The following PPARGC1A variants were observed in gnomAD, a reference collection of about 807,000 sequenced individuals.
The protein encoded by PPARGC1A is PPARG coactivator 1 alpha, also known as peroxisome proliferator-activated receptor gamma coactivator 1-alpha.
In PPARGC1A, 25 loss-of-function variants were observed where a neutral mutation model predicts 88.7. The observed-to-expected ratio is 0.28, with a 90% confidence interval of 0.21 to 0.39. PPARGC1A has a LOEUF of 0.39. Ranked by LOEUF, PPARGC1A falls within the 10% of genes least tolerant of loss-of-function variation. The pLI is 1.00. For missense variants in PPARGC1A, 880 were observed against 968.7 expected, an observed-to-expected ratio of 0.91 and a Z score of 1.22; for synonymous variants, 363 against 355.6, an observed-to-expected ratio of 1.02 and a Z score of -0.24.
At chr4:23,940,538 C>A in the PPARGC1A span, among the ~76,000 whole-genome samples, 1 of 152,160 alleles carries the variant, frequency 6.6e-6, no homozygotes, top group Non-Finnish European at 1.5e-5. Context: ...AAAAACAAAT[C>A]ACCAAACAAA....
At chr4:24,035,641 A>G in the PPARGC1A span, among the ~76,000 whole-genome samples, 2 of 152,136 alleles carry the variant, frequency 1.3e-5, no homozygotes, top group African/African-American at 4.8e-5. Flanking sequence ...CATATAGCTT[A>G]AACCAATGTT....
At chr4:24,159,204 A>G in the PPARGC1A span, among the ~76,000 whole-genome samples, 11 of 142,476 alleles carry the variant, frequency 7.7e-5, no homozygotes, top group Admixed American at 7.6e-4. Flanking sequence ...AAGGAAATTA[A>G]CCTTTTTTTT....
chr4:24,466,368 C>G, the PPARGC1A span, among the ~76,000 whole-genome samples: 1 of 152,188 alleles, frequency 6.6e-6, no homozygotes, highest in African/African-American at 2.4e-5. Flanking sequence ...ACAATTTCTT[C>G]TGTGTTGTAG....
chr4:24,128,531 AGTGTGTGTGTGT>A, the PPARGC1A span, among the ~76,000 whole-genome samples: 768 of 138,232 alleles, frequency 5.6e-3, 4 homozygotes, highest in South Asian at 0.018. Flanking sequence ...AGCCTGTCAC[AGTGTGTGTGTGT>A]GTGTGTGTGT....
At chr4:24,278,014 A>G in the PPARGC1A span, among the ~76,000 whole-genome samples, 8 of 151,992 alleles carry the variant, frequency 5.3e-5, no homozygotes, top group African/African-American at 1.7e-4. Flanking sequence ...TGCTCTATAA[A>G]AATTTTGAAA....
intron 2 of PPARGC1A, chr4:23,881,740 A>G (rs1403383792): frequency 2.0e-5 from 3 of 152,188 alleles, no homozygotes; most frequent in African/African-American, 7.2e-5. Flanking sequence ...TGTTATTGTC[A>G]GATCAGAGAC....
the PPARGC1A span, among the ~76,000 whole-genome samples, chr4:24,373,740 C>T: frequency 6.6e-6 from 1 of 152,122 alleles, no homozygotes; most frequent in Admixed American, 6.5e-5. Context: ...GATAGGTTGC[C>T]CATTCATGAG....
At chr4:24,398,418 T>C in the PPARGC1A span, among the ~76,000 whole-genome samples, 1 of 152,240 alleles carries the variant, frequency 6.6e-6, no homozygotes, top group Non-Finnish European at 1.5e-5. Context: ...AATAATTCTA[T>C]TTTTATTTCT....
the PPARGC1A span, among the ~76,000 whole-genome samples, chr4:23,944,146 C>T: frequency 3.9e-5 from 6 of 152,244 alleles, no homozygotes; most frequent in South Asian, 6.2e-4. Flanking sequence ...GTGACAAGCA[C>T]GCCACAGTAA....
the PPARGC1A span, among the ~76,000 whole-genome samples, chr4:24,092,269 G>A: frequency 2.0e-5 from 3 of 152,008 alleles, no homozygotes; most frequent in Non-Finnish European, 2.9e-5. Flanking sequence ...ATCAGTATAC[G>A]AAATGATCAG....
chr4:23,828,686 A>C (rs903253003), intron 4 of PPARGC1A, 82 bp from the exon 5 acceptor site: 2 of 1,295,710 alleles, frequency 1.5e-6, no homozygotes, highest in African/African-American at 3.0e-5. Context: ...GAGAGATGGG[A>C]TTTTTCAATG....
At chr4:24,446,400 C>G in the PPARGC1A span, among the ~76,000 whole-genome samples, 3 of 152,072 alleles carry the variant, frequency 2.0e-5, no homozygotes, top group Non-Finnish European at 4.4e-5. Flanking sequence ...CTATTCAAGT[C>G]TTTAGCCTGT....
chr4:23,827,783 G>C (rs1263084672), intron 5 of PPARGC1A, among the ~76,000 whole-genome samples: 4 of 152,032 alleles, frequency 2.6e-5, no homozygotes, highest in East Asian at 1.9e-4. Context: ...AATAAAATCT[G>C]TGAGCATAGC....
At chr4:24,331,429 C>A in the PPARGC1A span, among the ~76,000 whole-genome samples, 1 of 152,152 alleles carries the variant, frequency 6.6e-6, no homozygotes, top group Non-Finnish European at 1.5e-5. Context: ...TCTCCTTATC[C>A]TGCATTGTAT....
intron 7 of PPARGC1A, among the ~76,000 whole-genome samples, chr4:23,817,371 A>G (rs1366457309): frequency 6.6e-6 from 1 of 152,140 alleles, no homozygotes; most frequent in Non-Finnish European, 1.5e-5. Flanking sequence ...CACACATTAG[A>G]CAGCCTGTGG....
chr4:24,317,638 A>C, the PPARGC1A span, among the ~76,000 whole-genome samples: 1 of 148,028 alleles, frequency 6.8e-6, no homozygotes, highest in Non-Finnish European at 1.5e-5. Context: ...TTGCAGTGGA[A>C]CTGGTCACCT....
the PPARGC1A span, among the ~76,000 whole-genome samples, chr4:24,311,201 G>A: frequency 1.5e-5 from 2 of 131,112 alleles, no homozygotes; most frequent in Non-Finnish European, 3.1e-5. Context: ...CTGGGTTCAC[G>A]CCATTCTCCT....
the PPARGC1A span, among the ~76,000 whole-genome samples, chr4:24,250,354 A>C: frequency 2.0e-5 from 3 of 152,198 alleles, no homozygotes; most frequent in Admixed American, 6.5e-5. Context: ...TAAATCTGCA[A>C]ATTTAAAAGC....
chr4:24,345,620 A>G, the PPARGC1A span, among the ~76,000 whole-genome samples: 1 of 152,144 alleles, frequency 6.6e-6, no homozygotes, highest in Non-Finnish European at 1.5e-5. Flanking sequence ...TGATTTGTGC[A>G]CATTAATCTT....
Sources: allele counts gnomAD v4.1 joint callset (sites outside exome capture counted in the v4.1 genomes callset), GRCh38; gene constraint gnomAD v4.1.1; transcripts MANE v1.5; gene names NCBI Gene and HGNC (gene_info 2026-07-23, HGNC 2026-07-21).